Variants in BICD1 observed in about 807,000 individuals in gnomAD.
BICD1 encodes the protein protein bicaudal D homolog 1.
In BICD1, 35 loss-of-function variants were observed where a neutral mutation model predicts 92.5. That is an observed-to-expected ratio of 0.38 (90% CI 0.29 to 0.50). The LOEUF (loss-of-function observed/expected upper bound fraction) is 0.50. BICD1 is among the 20% of genes least tolerant of loss of function. BICD1 has a pLI of 0.93. For synonymous variants in BICD1, 429 were observed against 465.1 expected (o/e 0.92, Z 1.00); for missense variants, 950 against 1,189.8 (o/e 0.80, Z 2.97).
chr12:32,341,460 T>A (rs1203780223), intron 8 of BICD1, among the ~76,000 whole-genome samples: 2 of 107,904 alleles, frequency 1.9e-5, no homozygotes, highest in Admixed American at 8.7e-5. Context: ...TGAGACACTG[T>A]CTCAAAAAAA....
intron 2 of BICD1, among the ~76,000 whole-genome samples, chr12:32,256,405 A>G (rs930285959): frequency 1.3e-5 from 2 of 152,082 alleles, no homozygotes; most frequent in African/African-American, 4.8e-5. Flanking sequence ...TATACATATG[A>G]TTATCATCCC....
At chr12:32,197,181 G>A (rs1944753050) in intron 1 of BICD1, among the ~76,000 whole-genome samples, 1 of 152,044 alleles carries the variant, frequency 6.6e-6, no homozygotes, top group African/African-American at 2.4e-5. Context: ...ACTGATTTTT[G>A]TATTTTTGGT....
intron 1 of BICD1, among the ~76,000 whole-genome samples, chr12:32,173,487 C>A (rs1263864343): frequency 2.6e-5 from 4 of 152,158 alleles, no homozygotes; most frequent in African/African-American, 9.7e-5. Context: ...GCGTGATGTT[C>A]ACTTATTTCT....
intron 1 of BICD1, among the ~76,000 whole-genome samples, chr12:32,173,263 T>A (rs1352775732): frequency 3.9e-5 from 6 of 152,160 alleles, no homozygotes. Context: ...TTGCCCAGGC[T>A]GGTCTCAAAC....
At chr12:32,305,669 T>C in intron 3 of BICD1, 28 bp from the exon 4 acceptor site, 2 of 1,550,142 alleles carry the variant, frequency 1.3e-6, no homozygotes, top group East Asian at 2.3e-5. Flanking sequence ...TTTAGTTTTA[T>C]GAATCTTCTT....
intron 2 of BICD1, among the ~76,000 whole-genome samples, chr12:32,285,896 T>G (rs1947551359): frequency 6.6e-6 from 1 of 152,256 alleles, no homozygotes; most frequent in South Asian, 2.1e-4. Context: ...ACACAACAGT[T>G]GCAATCTTTT....
At chr12:32,374,271 G>T (rs1380899826) in intron 9 of BICD1, among the ~76,000 whole-genome samples, 2 of 151,832 alleles carry the variant, frequency 1.3e-5, no homozygotes, top group Non-Finnish European at 2.9e-5. Flanking sequence ...TGTGTAATGT[G>T]ACGATTCTGC....
At chr12:32,377,451 C>G (rs7298319) in intron 9 of BICD1, 89 bp from the exon 10 acceptor site, 412,628 of 1,010,986 alleles carry the variant, frequency 0.41, 85,951 homozygotes, top group East Asian at 0.46. Context: ...TTCTCAAAAT[C>G]TATGCAAAAA....
intron 4 of BICD1, among the ~76,000 whole-genome samples, chr12:32,322,027 T>C (rs1456051098): frequency 6.6e-6 from 1 of 152,058 alleles, no homozygotes; most frequent in Non-Finnish European, 1.5e-5. Context: ...AATAAATAAA[T>C]AAAACAGTTT....
chr12:32,228,718 T>C (rs942754733), intron 2 of BICD1, among the ~76,000 whole-genome samples: 3 of 152,104 alleles, frequency 2.0e-5, no homozygotes, highest in African/African-American at 7.2e-5. Context: ...GAATGAGAGA[T>C]AGGCATGAGA....
chr12:32,122,324 T>C (rs1378707851), intron 1 of BICD1, among the ~76,000 whole-genome samples: 17 of 151,608 alleles, frequency 1.1e-4, no homozygotes, highest in Admixed American at 1.1e-3. Context: ...CCCGTCTCTA[T>C]GAAAAATACA....
At chr12:32,172,844 T>G (rs1273116913) in intron 1 of BICD1, among the ~76,000 whole-genome samples, 8 of 152,152 alleles carry the variant, frequency 5.3e-5, no homozygotes, top group Non-Finnish European at 1.2e-4. Flanking sequence ...AGACATTAAT[T>G]ATATTAATCT....
intron 1 of BICD1, among the ~76,000 whole-genome samples, chr12:32,121,598 A>C (rs928727274): frequency 8.2e-5 from 1 of 12,162 alleles, no homozygotes; most frequent in Non-Finnish European, 2.0e-4. Context: ...CTCCAAAAAT[A>C]AAAATAAAAA....
chr12:32,205,959 G>A (rs1945044222), intron 1 of BICD1, among the ~76,000 whole-genome samples: 2 of 151,936 alleles, frequency 1.3e-5, no homozygotes, highest in African/African-American at 2.4e-5. Flanking sequence ...GTTACTGAAT[G>A]TACTCTTGCT....
rs140814625 is a variant in BICD1, at chr12:32,382,034, C to G, written c.*4407C>G. The G allele has an allele frequency of 6.6e-6, 1 of 152,212 alleles. No individual in the cohort carries two copies. Among genetic ancestry groups the G allele is most frequent in the East Asian group, 1.9e-4 (1 of 5,188 alleles). 9.4% of individuals were successfully genotyped at this position (152,212 alleles called of 1,614,324 possible). A position where few individuals can be genotyped will look rare whatever the true frequency, so the allele number is the denominator to read the frequency against. On this transcript the variant is annotated 3_prime_UTR_variant, in exon 10 of 10. Transcript: ENST00000652176. ...TACCTTAAAATCAACTTCTATGGAA[C>G]TACAAGATCAATCTAGCTCCCGAGT... is the stretch of plus-strand genomic sequence containing the variant.
intron 2 of BICD1, among the ~76,000 whole-genome samples, chr12:32,243,203 T>G (rs1291230544): frequency 1.3e-5 from 2 of 150,246 alleles, no homozygotes; most frequent in Non-Finnish European, 3.0e-5. Flanking sequence ...GCTCAAGAGA[T>G]CCTCCCATCT....
intron 1 of BICD1, 29 bp downstream of exon 1, chr12:32,107,573 T>C: frequency 6.4e-7 from 1 of 1,551,548 alleles, no homozygotes; most frequent in Non-Finnish European, 8.7e-7. Flanking sequence ...CTCCCTTTCC[T>C]GGCCCTCACT....
In BICD1 at chr12:32,108,439, A is replaced by G. The variant is rs868373585; in HGVS notation, c.213+895A>G. On this transcript the variant is annotated intron_variant, in intron 1 of 9. Coordinates refer to ENST00000652176, the MANE Select transcript of BICD1 (RefSeq NM_001714.4). ...TTTCCTATCAGTCACTCTTAAGAACATACATATTGTTTAAGTAACTCGGTC... is the reference window on the plus strand; with the variant it reads ...TTTCCTATCAGTCACTCTTAAGAACGTACATATTGTTTAAGTAACTCGGTC... 5.4e-5 allele frequency: 23 copies of G among 428,700 alleles called. No homozygotes were observed. In the South Asian group the frequency reaches 8.5e-4, roughly 16 times the overall value. 26.6% of individuals were successfully genotyped at this position (428,700 alleles called of 1,614,324 possible).
In BICD1 at chr12:32,338,813, G is replaced by A. The variant is rs1938237672; in HGVS notation, c.2598G>A (p.Gln866=). 2 of 1,599,888 alleles carry A rather than the reference G, an allele frequency of 1.3e-6. No individual in the cohort carries two copies. Among genetic ancestry groups the A allele is most frequent in the Admixed American group, 3.5e-5 (2 of 57,232 alleles). ...AATTTTCACCTTCCCTTTGTGATCA[G>A]AGCCGTCCCAGGACTTCAGGGGCTT... The part of the protein sequence containing the change: ...KRQFSPSLCD[Q]SRPRTSGASY... The change falls in exon 8 of 10, where the codon CAG becomes CAA. Residue 866 remains glutamine (Q), a synonymous_variant. Coordinates refer to ENST00000652176, the MANE Select transcript of BICD1 (RefSeq NM_001714.4).
Sources: allele counts gnomAD v4.1 joint callset (sites outside exome capture counted in the v4.1 genomes callset), GRCh38; gene constraint gnomAD v4.1.1; transcripts MANE v1.5; gene names NCBI Gene and HGNC (gene_info 2026-07-23, HGNC 2026-07-21).